KIAA0319: variants seen among roughly 807,000 people sequenced by gnomAD.
The protein encoded by KIAA0319 is KIAA0319.
KIAA0319 carries 83 observed loss-of-function variants against 108.4 expected under a neutral mutation model. The ratio of observed to expected loss-of-function variants is 0.77; its 90% CI spans 0.64 to 0.92. The LOEUF (loss-of-function observed/expected upper bound fraction) is 0.92. KIAA0319 is among the 40% of genes least tolerant of loss of function. The probability of loss-of-function intolerance (pLI) is 0.00; values close to 1 mark genes in which losing one functional copy is unlikely to be tolerated. For synonymous variants in KIAA0319, 484 were observed against 510.4 expected (o/e 0.95, Z 0.70); for missense variants, 1,195 against 1,322.4 (o/e 0.90, Z 1.49).
chr6:24,563,288 A>C (rs1046472420), intron 16 of KIAA0319, 71 bp downstream of exon 16: 4 of 1,481,822 alleles, frequency 2.7e-6, no homozygotes, highest in Non-Finnish European at 2.7e-6. Context: ...ACAGTTTTCT[A>C]CTGGACTGGG....
chr6:24,624,519 GAAAC>G (rs1300510785), intron 1 of KIAA0319, among the ~76,000 whole-genome samples: 1 of 151,984 alleles, frequency 6.6e-6, no homozygotes, highest in Non-Finnish European at 1.5e-5. Flanking sequence ...TGATATATAA[GAAAC>G]AATAGCAGCT....
rs1489746692 is a variant in KIAA0319, at chr6:24,568,854, G to A, written c.2067C>T (p.Tyr689=). 4 of 1,614,166 alleles carry A rather than the reference G, an allele frequency of 2.5e-6. No individual in the cohort carries two copies. Among genetic ancestry groups the A allele is most frequent in the East Asian group, 4.5e-5 (2 of 44,892 alleles). The change falls in exon 13 of 21, where the codon TAC becomes TAT. Residue 689 remains tyrosine, a synonymous_variant. Transcript: ENST00000378214. The stretch of plus-strand genomic sequence containing the variant: ...GGTCTTTCACTGTCAAACGGAAGTG[G>A]TAGGTCCCCACCTGGAGACCAGTCA... ...ATVTGLQVGT[Y]HFRLTVKDQQ...
intron 1 of KIAA0319, among the ~76,000 whole-genome samples, chr6:24,602,368 G>T (rs1770752111): frequency 6.6e-6 from 1 of 151,496 alleles, no homozygotes. Flanking sequence ...CTGATATCAG[G>T]ATGTCCTACA....
chr6:24,643,045 C>T (rs1314554348), intron 1 of KIAA0319, among the ~76,000 whole-genome samples: 1 of 152,158 alleles, frequency 6.6e-6, no homozygotes, highest in Non-Finnish European at 1.5e-5. Flanking sequence ...AAAGAATGAC[C>T]AGCAAGTTGG....
intron 11 of KIAA0319, among the ~76,000 whole-genome samples, chr6:24,571,325 T>G (rs1478408581): frequency 1.3e-5 from 2 of 151,336 alleles, no homozygotes; most frequent in Non-Finnish European, 2.9e-5. Context: ...AGAGAACTGC[T>G]TGAGTCCAGG....
At chr6:24,541,535 C>T (rs146346111), downstream of KIAA0319, among the ~76,000 whole-genome samples, 249 of 152,370 alleles carry the variant, frequency 1.6e-3, 2 homozygotes, top group African/African-American at 5.5e-3. Flanking sequence ...CAGTGGCTCA[C>T]GCCAGTAATC....
intron 8 of KIAA0319, 117 bp from the exon 9 acceptor site, chr6:24,578,359 G>A: frequency 5.8e-6 from 4 of 688,992 alleles, no homozygotes; most frequent in Non-Finnish European, 9.4e-6. Flanking sequence ...TACTTGCCTA[G>A]ATCTCAATGG....
intron 1 of KIAA0319, among the ~76,000 whole-genome samples, chr6:24,621,342 G>A (rs1004070215): frequency 2.6e-5 from 4 of 152,068 alleles, no homozygotes; most frequent in Non-Finnish European, 5.9e-5. Context: ...AGAGAAGCAG[G>A]GTGTTGCAGC....
rs1174259415 is a variant in KIAA0319 at position 24,596,253 on chromosome 6, A to G, written c.421T>C (p.Leu141=). ...CCCCAATCTTTGCCTAGAAAGGTCA[A>G]GTCCTTTCTGATATCCTCAGGTGAG... The part of the protein sequence containing the change: ...GDSPEDIRKD[L]TFLGKDWGLE... Residue 141 remains leucine (L), a synonymous_variant, in exon 3 of 21, where the codon TTG becomes CTG. Coordinates refer to ENST00000378214, the MANE Select transcript of KIAA0319 (RefSeq NM_014809.4). The G allele has an allele frequency of 6.2e-7, 1 of 1,614,188 alleles. No individual in the cohort carries two copies. The highest frequency in any genetic ancestry group is 2.2e-5 in the East Asian group (1 of 44,876).
rs371366892 is a variant in KIAA0319, at chr6:24,610,412, T to G, written c.-105-9204A>C. Among the ~76,000 whole-genome samples the G allele has an allele frequency of 1.2e-4, 19 of 152,236 alleles. No individual in the cohort carries two copies. The East Asian group carries it at 1.9e-3, about 15-fold the overall frequency. On this transcript the variant is annotated intron_variant, in intron 1 of 20. Transcript: ENST00000378214. ...CACCTCATACCCACTAGCATGGCTA[T>G]AATAAAAAAGACAATTAAAAACGTT...
intron 13 of KIAA0319, among the ~76,000 whole-genome samples, chr6:24,568,482 A>G (rs1263990068): frequency 4.6e-5 from 7 of 152,352 alleles, no homozygotes; most frequent in Middle Eastern, 3.4e-3. Context: ...GGAATAAAGG[A>G]AAAAAAGCAT....
chr6:24,579,793 C>T, intron 8 of KIAA0319, 65 bp downstream of exon 8: 1 of 1,254,732 alleles, frequency 8.0e-7, no homozygotes, highest in South Asian at 1.3e-5. Flanking sequence ...TGATGCAGAG[C>T]ACTCATTACA....
chr6:24,565,447 A>C (rs1294250360), intron 14 of KIAA0319, among the ~76,000 whole-genome samples: 1 of 151,696 alleles, frequency 6.6e-6, no homozygotes, highest in African/African-American at 2.4e-5. Context: ...AGGTGTGTCT[A>C]GTTTGATTAA....
rs541790377 is a variant in KIAA0319, at chr6:24,546,478, C to G, written c.*687G>C. 4.0e-4 allele frequency: 61 copies of G among 152,178 alleles called. No homozygotes were observed. The highest frequency in any genetic ancestry group is 1.5e-3 in the African/African-American group (61 of 41,512). 9.4% of individuals were successfully genotyped at this position (152,178 alleles called of 1,614,324 possible). A position where few individuals can be genotyped will look rare whatever the true frequency, so the allele number is the denominator to read the frequency against. ...ATGTTACAATGCTACCTTCAACCTGCACGGCATTAAGCTCCTCCTCCCCTT... is the reference window on the plus strand; with the variant it reads ...ATGTTACAATGCTACCTTCAACCTGGACGGCATTAAGCTCCTCCTCCCCTT... On this transcript the variant is annotated 3_prime_UTR_variant, in exon 21 of 21. Transcript: ENST00000378214.
intron 1 of KIAA0319, among the ~76,000 whole-genome samples, chr6:24,626,355 A>C (rs755481523): frequency 1.2e-4 from 19 of 152,120 alleles, no homozygotes; most frequent in Non-Finnish European, 2.2e-4. Context: ...AACATAGCAA[A>C]ATCCCGTCTC....
At chr6:24,581,804 C>G (rs807509) in intron 6 of KIAA0319, among the ~76,000 whole-genome samples, 69,585 of 152,068 alleles carry the variant, frequency 0.46, 17,556 homozygotes, top group African/African-American at 0.69. Context: ...TACTTGCATG[C>G]CTGAAACTTT....
rs1322385873 is a variant in KIAA0319 at position 24,596,282 on chromosome 6, C to G, written c.392G>C (p.Gly131Ala). The change falls in exon 3 of 21, where the codon GGG becomes GCG. Residue 131 changes from glycine (G) to alanine (A), a missense_variant. Gly to Ala is a moderately conservative substitution (Grantham distance 60). Coordinates refer to ENST00000378214, the MANE Select transcript of KIAA0319 (RefSeq NM_014809.4). ...CTTTCTGATATCCTCAGGTGAGTCC[C>G]CCCAGATCCCCGAGGGGGAGCCCCT... is the stretch of plus-strand genomic sequence containing the variant. ...LNRGSPSGIW[G>A]DSPEDIRKDL... 1.1e-5 allele frequency: 17 copies of G among 1,614,182 alleles called. No individual in the cohort carries two copies. The highest frequency in any genetic ancestry group is 1.4e-5 in the Non-Finnish European group (17 of 1,180,008).
chr6:24,594,552 A>C (rs768460444), intron 3 of KIAA0319, among the ~76,000 whole-genome samples: 5 of 150,524 alleles, frequency 3.3e-5, no homozygotes, highest in Non-Finnish European at 5.9e-5. Context: ...GCTTGAACCC[A>C]GGAGGCAGAG....
intron 11 of KIAA0319, among the ~76,000 whole-genome samples, chr6:24,571,080 T>C (rs749319095): frequency 1.3e-5 from 2 of 151,318 alleles, no homozygotes; most frequent in Non-Finnish European, 2.9e-5. Context: ...TAATCCCAGC[T>C]ATTCAGGAGG....
Sources: gnomAD v4.1 joint callset for allele counts (sites outside exome capture counted in the v4.1 genomes callset) on GRCh38, gnomAD v4.1.1 for gene constraint, MANE v1.5 for transcripts, NCBI Gene and HGNC (gene_info 2026-07-23, HGNC 2026-07-21) for gene names.